Variants in EPB41L4A observed in about 807,000 individuals in gnomAD.
EPB41L4A encodes the protein erythrocyte membrane protein band 4.1 like 4A, also known as band 4.1-like protein 4A.
A neutral mutation model predicts 108.6 loss-of-function variants in EPB41L4A; 100 were observed. The observed-to-expected ratio is 0.92, with a 90% CI of 0.78 to 1.09. The LOEUF (loss-of-function observed/expected upper bound fraction) is 1.09. Ranked by LOEUF, EPB41L4A falls within the 50% of genes least tolerant of loss-of-function variation. EPB41L4A has a pLI of 0.00. For synonymous variants in EPB41L4A, 319 were observed against 289.0 expected (o/e 1.10, Z -1.05); for missense variants, 1,030 against 842.7 (o/e 1.22, Z -2.75).
rs184720717 is a variant in EPB41L4A, at chr5:112,394,071, G to T, written c.99+24870C>A. On this transcript the variant is annotated intron_variant, in intron 1 of 22. Transcript: ENST00000261486. ...ATGCCAAAAACTCTCAATAAACTAG[G>T]TATTGATAGGATGTAACTCAAAATA... is the stretch of plus-strand genomic sequence containing the variant. Among the ~76,000 whole-genome samples, 3 of 152,224 alleles carry T rather than the reference G, an allele frequency of 2.0e-5. No homozygotes were observed. The East Asian group carries it at 5.8e-4, about 29-fold the overall frequency.
chr5:112,167,365 G>A (rs184617287), intron 22 of EPB41L4A, among the ~76,000 whole-genome samples: 3 of 152,210 alleles, frequency 2.0e-5, no homozygotes, highest in Non-Finnish European at 4.4e-5. Flanking sequence ...CGTCTATTTG[G>A]ACAACCTATT....
chr5:112,397,881 A>G (rs1249178406), intron 1 of EPB41L4A, among the ~76,000 whole-genome samples: 1 of 152,344 alleles, frequency 6.6e-6, no homozygotes, highest in East Asian at 1.9e-4. Context: ...CAGTTTTCCT[A>G]GCTCAAAAAG....
At chr5:112,397,456 C>T (rs1561642316) in intron 1 of EPB41L4A, among the ~76,000 whole-genome samples, 1 of 152,072 alleles carries the variant, frequency 6.6e-6, no homozygotes, top group Non-Finnish European at 1.5e-5. Context: ...GTGTTTGATG[C>T]TGTGCAGAAT....
intron 12 of EPB41L4A, among the ~76,000 whole-genome samples, chr5:112,222,999 T>C (rs558339185): frequency 6.6e-6 from 1 of 151,296 alleles, no homozygotes; most frequent in East Asian, 1.9e-4. Context: ...TGGAGTGCAG[T>C]GGCACAATCC....
chr5:112,210,026 T>G lies in EPB41L4A; in HGVS notation c.1088-44A>C, dbSNP rs368783853. ...GAAAGATGGAAGAGAGAGGAAACAG[T>G]GATAAGGAAATGAAAGAAACAGAAG... is the stretch of plus-strand genomic sequence containing the variant. On this transcript the variant is annotated intron_variant, in intron 12 of 22. Coordinates refer to ENST00000261486, the MANE Select transcript of EPB41L4A (RefSeq NM_022140.5). 4.1e-5 allele frequency: 48 copies of G among 1,179,334 alleles called. 1 individual carries two copies. In the African/African-American group the frequency reaches 7.1e-4, roughly 17 times the overall value. 73.1% of individuals were successfully genotyped at this position (1,179,334 alleles called of 1,614,324 possible).
At chr5:112,410,331 G>C (rs996723574) in intron 1 of EPB41L4A, among the ~76,000 whole-genome samples, 8 of 152,158 alleles carry the variant, frequency 5.3e-5, no homozygotes, top group Admixed American at 1.3e-4. Context: ...AGGCTGACTA[G>C]ACATTAAAGT....
chr5:112,274,998 A>T (rs911480371), intron 4 of EPB41L4A, among the ~76,000 whole-genome samples: 2 of 152,248 alleles, frequency 1.3e-5, no homozygotes, highest in Admixed American at 6.5e-5. Context: ...ACATCAAAAT[A>T]TCCTTCCTTT....
chr5:112,275,356 T>A lies in EPB41L4A; in HGVS notation c.305A>T (p.Asp102Val). The A allele has an allele frequency of 6.4e-7, 1 of 1,556,158 alleles. No individual in the cohort carries two copies. Among genetic ancestry groups the A allele is most frequent in the Non-Finnish European group, 8.7e-7 (1 of 1,144,042 alleles). ...LYFGIKFYAE[D>V]PCKLKEEITR... ...TATTTCTTCTTTAAGTTTACATGGA[T>A]CTTCAGCATAGAATTTAATACCAAA... The change falls in exon 4 of 23, where the codon GAT (aspartate) becomes GTT (valine). Residue 102 changes from aspartate to valine, a missense_variant. Asp to Val is a radical substitution (Grantham distance 152). Transcript: ENST00000261486.
chr5:112,360,970 C>G (rs1336635490), intron 1 of EPB41L4A, among the ~76,000 whole-genome samples: 2 of 152,188 alleles, frequency 1.3e-5, no homozygotes, highest in East Asian at 1.9e-4. Context: ...GCCGCCCCGT[C>G]TGAGAAGTGA....
In EPB41L4A at chr5:112,194,441, A is replaced by G. The variant is rs1044380718; in HGVS notation, c.1502+127T>C. On this transcript the variant is annotated intron_variant, in intron 17 of 22. Transcript: ENST00000261486. ...TAAAGTTTCCTAAACTAAGTGCTTC[A>G]AAATAGTGCCAGATTGCTTCTCAGA... 3 of 566,464 alleles carry G rather than the reference A, an allele frequency of 5.3e-6. No homozygotes were observed. The African/African-American group carries it at 5.8e-5, about 11-fold the overall frequency. The allele number at this position is 566,464 out of a possible 1,614,324, so 35.1% of individuals were successfully genotyped here.
chr5:112,387,723 T>G (rs1041360371), intron 1 of EPB41L4A, among the ~76,000 whole-genome samples: 5 of 152,236 alleles, frequency 3.3e-5, no homozygotes, highest in African/African-American at 1.2e-4. Context: ...ACCTCCAAAG[T>G]GCAGAGTTGG....
intron 1 of EPB41L4A, among the ~76,000 whole-genome samples, chr5:112,338,927 T>G (rs895118179): frequency 2.0e-5 from 3 of 152,322 alleles, no homozygotes; most frequent in African/African-American, 7.2e-5. Flanking sequence ...GCTATCTCCC[T>G]CTGTCTCCTG....
chr5:112,303,578 G>C (rs1213071702), intron 2 of EPB41L4A, among the ~76,000 whole-genome samples: 2 of 152,064 alleles, frequency 1.3e-5, no homozygotes, highest in African/African-American at 2.4e-5. Flanking sequence ...CATGAAGAGA[G>C]AGAAACAAAA....
chr5:112,199,748 G>T (rs1039686216), intron 15 of EPB41L4A, among the ~76,000 whole-genome samples: 1 of 152,094 alleles, frequency 6.6e-6, no homozygotes, highest in African/African-American at 2.4e-5. Context: ...AACAAGCCTG[G>T]GTTTCATTCT....
At chr5:112,161,429 C>T (rs1759894537), downstream of EPB41L4A, 1 of 482,304 alleles carries the variant, frequency 2.1e-6, no homozygotes, top group South Asian at 1.5e-5. Context: ...CTGTAATCGG[C>T]ATTACTGTCA....
intron 1 of EPB41L4A, among the ~76,000 whole-genome samples, chr5:112,352,492 A>T (rs963540533): frequency 7.9e-5 from 12 of 152,170 alleles, no homozygotes; most frequent in African/African-American, 1.4e-4. Context: ...TGCATTTTTT[A>T]AAAAATTTGT....
chr5:112,245,175 G>T (rs1750115675), intron 9 of EPB41L4A, among the ~76,000 whole-genome samples: 1 of 150,772 alleles, frequency 6.6e-6, no homozygotes. Context: ...TTAAGTAACT[G>T]AACAGAAAAC....
chr5:112,237,190 G>T (rs1749405450), intron 11 of EPB41L4A, among the ~76,000 whole-genome samples: 1 of 152,124 alleles, frequency 6.6e-6, no homozygotes, highest in Non-Finnish European at 1.5e-5. Flanking sequence ...TTTAATCAAA[G>T]ATTTCTATTT....
intron 2 of EPB41L4A, among the ~76,000 whole-genome samples, chr5:112,286,084 C>A (rs1462526084): frequency 6.6e-6 from 1 of 152,060 alleles, no homozygotes; most frequent in African/African-American, 2.4e-5. Flanking sequence ...CTTCTCCCAA[C>A]TCACTTTAAT....
Sources: gnomAD v4.1 joint callset for allele counts (sites outside exome capture counted in the v4.1 genomes callset) on GRCh38, gnomAD v4.1.1 for gene constraint, MANE v1.5 for transcripts, NCBI Gene and HGNC (gene_info 2026-07-23, HGNC 2026-07-21) for gene names.